GPC3: variants seen among roughly 807,000 people sequenced by gnomAD.
GPC3 encodes the protein glypican 3.
Under a neutral mutation model 34.4 loss-of-function variants are expected in GPC3, and 3 were observed. The ratio of observed to expected loss-of-function variants is 0.09; its 90% confidence interval spans 0.04 to 0.23. The LOEUF is 0.23. Ranked by LOEUF, GPC3 falls within the 10% of genes least tolerant of loss-of-function variation. The probability of loss-of-function intolerance (pLI) is 1.00; values close to 1 mark genes in which losing one functional copy is unlikely to be tolerated. For missense variants in GPC3, 351 were observed against 445.6 expected (o/e 0.79, Z 1.91); for synonymous variants, 177 against 174.0 (o/e 1.02, Z -0.13).
At chrX:133,977,344 G>C (rs1347120430) in intron 1 of GPC3, among the ~76,000 whole-genome samples, 1 of 112,386 alleles carries the variant, frequency 8.9e-6, no homozygotes, top group Non-Finnish European at 1.9e-5. Flanking sequence ...GAGAAGTACA[G>C]ATAAAGTATT....
intron 6 of GPC3, among the ~76,000 whole-genome samples, chrX:133,651,410 G>GTTTTGGGTCAGTGAAGGTTTCATAGC (rs2124390897): frequency 9.0e-6 from 1 of 111,000 alleles, no homozygotes; most frequent in African/African-American, 3.3e-5. Flanking sequence ...GGGGGATATT[G>GTTTTGGGTCAGTGAAGGTTTCATAGC]TTTTGGGTCA....
chrX:133,721,317 T>G (rs1300968207), intron 3 of GPC3, among the ~76,000 whole-genome samples: 1 of 107,100 alleles, frequency 9.3e-6, no homozygotes, highest in African/African-American at 3.4e-5. Context: ...AAATCAGGAA[T>G]GAGAGCGAGG....
At chrX:133,903,449 C>T (rs191310143) in intron 2 of GPC3, among the ~76,000 whole-genome samples, 2 of 109,928 alleles carry the variant, frequency 1.8e-5, no homozygotes, top group African/African-American at 6.6e-5. Context: ...ATTAGCCAGG[C>T]GCAGTGGCGT....
At chrX:133,624,902 T>C (rs1603199640) in intron 6 of GPC3, among the ~76,000 whole-genome samples, 1 of 110,696 alleles carries the variant, frequency 9.0e-6, no homozygotes, top group Non-Finnish European at 1.9e-5. Flanking sequence ...TGAACATTGA[T>C]GCAAAAATCC....
intron 3 of GPC3, among the ~76,000 whole-genome samples, chrX:133,749,335 G>A (rs2071639112): frequency 9.0e-6 from 1 of 111,343 alleles, no homozygotes; most frequent in East Asian, 2.9e-4. Flanking sequence ...AATCTCTGCA[G>A]GGGTGGACTC....
intron 6 of GPC3, among the ~76,000 whole-genome samples, chrX:133,621,870 T>A (rs936664742): frequency 1.8e-5 from 2 of 112,101 alleles, no homozygotes; most frequent in Admixed American, 1.9e-4. Context: ...GGGTGCCTGA[T>A]CCCCAAGTAG....
intron 2 of GPC3, among the ~76,000 whole-genome samples, chrX:133,929,919 G>A (rs750807989): frequency 5.3e-4 from 59 of 111,607 alleles, no homozygotes; most frequent in African/African-American, 1.9e-3. Flanking sequence ...AAACAAAATC[G>A]GGCAACATTG....
At chrX:133,922,236 A>T (rs750476097) in intron 2 of GPC3, among the ~76,000 whole-genome samples, 1 of 112,265 alleles carries the variant, frequency 8.9e-6, no homozygotes, top group South Asian at 3.8e-4. Flanking sequence ...GAAAGGAGGA[A>T]GAAAGACTGG....
chrX:133,883,783 A>C (rs2076051631), intron 2 of GPC3, among the ~76,000 whole-genome samples: 1 of 111,818 alleles, frequency 8.9e-6, no homozygotes, highest in South Asian at 3.7e-4. Flanking sequence ...TCATTACTTA[A>C]TTCCATTTGT....
intron 2 of GPC3, among the ~76,000 whole-genome samples, chrX:133,918,665 A>G (rs963182912): frequency 8.9e-6 from 1 of 112,103 alleles, no homozygotes; most frequent in African/African-American, 3.2e-5. Flanking sequence ...ACACTAGTGT[A>G]TGGTCCATGT....
intron 2 of GPC3, among the ~76,000 whole-genome samples, chrX:133,862,381 T>TAA (rs1395945406): frequency 2.0e-5 from 2 of 102,270 alleles, no homozygotes; most frequent in African/African-American, 7.1e-5. Flanking sequence ...TTGCTTCCTT[T>TAA]AAAAAAAAAA....
rs530012472 is a variant in GPC3 at position 133,857,833 on chromosome X, C to T, written c.337+95217G>A. 6.0e-4 allele frequency among the ~76,000 whole-genome samples: 68 copies of T among 112,506 alleles called. 1 individual carries two copies. The South Asian group carries it at 0.023, about 37-fold the overall frequency. ...GCAAATAACCTTTTACTGGCAAGTACAGTCCACTAAGCCTTTTGACAATTA... is the reference window on the plus strand; with the variant it reads ...GCAAATAACCTTTTACTGGCAAGTATAGTCCACTAAGCCTTTTGACAATTA... On this transcript the variant is annotated intron_variant, in intron 2 of 7. Transcript: ENST00000370818.
intron 2 of GPC3, among the ~76,000 whole-genome samples, chrX:133,888,533 C>G (rs932430067): frequency 1.8e-5 from 2 of 112,106 alleles, no homozygotes; most frequent in African/African-American, 6.5e-5. Context: ...AATTTACACT[C>G]CCACCAACAG....
chrX:133,979,720 C>G (rs746528292), intron 1 of GPC3, among the ~76,000 whole-genome samples: 3 of 111,735 alleles, frequency 2.7e-5, no homozygotes, highest in Non-Finnish European at 5.6e-5. Flanking sequence ...GTCTCTAAAG[C>G]CAGTCTGGGG....
chrX:133,744,739 AT>A (rs1380478636), intron 3 of GPC3, among the ~76,000 whole-genome samples: 2 of 112,489 alleles, frequency 1.8e-5, no homozygotes, highest in African/African-American at 6.5e-5. Context: ...ACTGTTCACA[AT>A]AGCAAAGACT....
chrX:133,940,303 A>G (rs945365946), intron 2 of GPC3, among the ~76,000 whole-genome samples: 1 of 111,605 alleles, frequency 9.0e-6, no homozygotes, highest in Non-Finnish European at 1.9e-5. Flanking sequence ...AAAACCATCT[A>G]TGATCATTTC....
intron 4 of GPC3, among the ~76,000 whole-genome samples, 188 bp from the exon 5 acceptor site, chrX:133,692,682 GA>G (rs1285257648): frequency 8.9e-6 from 1 of 111,869 alleles, no homozygotes; most frequent in Non-Finnish European, 1.9e-5. Flanking sequence ...AATGATATTA[GA>G]AAAAAAGTTG....
At chrX:133,940,741 G>A (rs1210629030) in intron 2 of GPC3, among the ~76,000 whole-genome samples, 2 of 111,931 alleles carry the variant, frequency 1.8e-5, no homozygotes, top group Non-Finnish European at 3.8e-5. Flanking sequence ...AATAATATGT[G>A]CATCATTTAA....
chrX:133,841,627 C>T (rs2075824822), intron 2 of GPC3, among the ~76,000 whole-genome samples: 1 of 111,021 alleles, frequency 9.0e-6, no homozygotes, highest in Non-Finnish European at 1.9e-5. Flanking sequence ...GCAGAAAATA[C>T]GGATTTGAGA....
Sources: allele counts gnomAD v4.1 joint callset (sites outside exome capture counted in the v4.1 genomes callset), GRCh38; gene constraint gnomAD v4.1.1; transcripts MANE v1.5; gene names NCBI Gene and HGNC (gene_info 2026-07-23, HGNC 2026-07-21).